The following FHIT variants were observed in gnomAD, a reference collection of about 807,000 sequenced individuals.
The protein encoded by FHIT is bis(5'-adenosyl)-triphosphatase.
In FHIT, 19 loss-of-function variants were observed where a neutral mutation model predicts 17.9. The ratio of observed to expected loss-of-function variants is 1.06; its 90% confidence interval spans 0.74 to 1.56. FHIT has a LOEUF of 1.56. Among genes scored for constraint, FHIT ranks in the 40% most tolerant of loss-of-function variants. FHIT has a pLI of 0.00. For missense variants in FHIT, 248 were observed against 189.2 expected (o/e 1.31, Z -1.82); for synonymous variants, 81 against 69.7 (o/e 1.16, Z -0.81).
At chr3:59,883,412 G>T (rs919711502) in intron 8 of FHIT, among the ~76,000 whole-genome samples, 1 of 152,198 alleles carries the variant, frequency 6.6e-6, no homozygotes, top group Non-Finnish European at 1.5e-5. Context: ...AAGGTGAAAG[G>T]CATGTTTTAT....
chr3:60,345,222 C>T (rs575873660), intron 5 of FHIT, among the ~76,000 whole-genome samples: 17 of 152,266 alleles, frequency 1.1e-4, no homozygotes, highest in African/African-American at 4.1e-4. Flanking sequence ...GACAAGTATT[C>T]CCCTGGATCT....
At chr3:59,851,122 G>T (rs571059485) in intron 8 of FHIT, among the ~76,000 whole-genome samples, 1 of 152,116 alleles carries the variant, frequency 6.6e-6, no homozygotes. Context: ...CTTCTAACAA[G>T]GTCAATCTGG....
At chr3:59,956,715 A>C (rs1221741908) in intron 7 of FHIT, among the ~76,000 whole-genome samples, 2 of 152,188 alleles carry the variant, frequency 1.3e-5, no homozygotes, top group East Asian at 3.9e-4. Context: ...ACCTTACTTT[A>C]ATCATCTGTA....
At chr3:60,000,492 A>G (rs926089695) in intron 7 of FHIT, among the ~76,000 whole-genome samples, 3 of 152,186 alleles carry the variant, frequency 2.0e-5, no homozygotes, top group African/African-American at 4.8e-5. Context: ...GGCCTTTTAC[A>G]AAAGAAGTCT....
At chr3:60,904,235 G>A (rs976108771) in intron 3 of FHIT, among the ~76,000 whole-genome samples, 1 of 152,138 alleles carries the variant, frequency 6.6e-6, no homozygotes, top group African/African-American at 2.4e-5. Flanking sequence ...TCCTGCCTAG[G>A]AGAGATAGGG....
intron 4 of FHIT, among the ~76,000 whole-genome samples, chr3:60,619,161 T>C (rs1367564859): frequency 6.6e-6 from 1 of 152,082 alleles, no homozygotes; most frequent in African/African-American, 2.4e-5. Flanking sequence ...TTTAGTATCA[T>C]GTATTTTTTC....
chr3:60,898,307 T>C (rs1705935392), intron 3 of FHIT, among the ~76,000 whole-genome samples: 1 of 152,198 alleles, frequency 6.6e-6, no homozygotes, highest in Non-Finnish European at 1.5e-5. Context: ...CGTAAACAAC[T>C]CTGAGAAAAT....
chr3:61,150,224 A>G (rs1177177588), intron 2 of FHIT, among the ~76,000 whole-genome samples: 3 of 152,198 alleles, frequency 2.0e-5, no homozygotes. Flanking sequence ...GAAGGAAGAT[A>G]CAGAGCCCAC....
chr3:60,546,863 T>C (rs1034406400), intron 4 of FHIT, among the ~76,000 whole-genome samples: 3 of 151,904 alleles, frequency 2.0e-5, no homozygotes, highest in African/African-American at 7.3e-5. Context: ...CCTTAAATAC[T>C]AATAGTTTTC....
intron 3 of FHIT, among the ~76,000 whole-genome samples, chr3:60,865,620 G>A (rs1704123265): frequency 6.6e-6 from 1 of 152,096 alleles, no homozygotes; most frequent in Admixed American, 6.6e-5. Context: ...TATGGAGACA[G>A]GAGCCAGTTT....
chr3:59,818,297 C>T (rs1352313988), intron 8 of FHIT, among the ~76,000 whole-genome samples: 1 of 152,064 alleles, frequency 6.6e-6, no homozygotes, highest in Non-Finnish European at 1.5e-5. Context: ...ACAGCTTGTT[C>T]AGCCTCCCCG....
At chr3:61,117,520 G>C (rs1376671385) in intron 2 of FHIT, among the ~76,000 whole-genome samples, 1 of 152,202 alleles carries the variant, frequency 6.6e-6, no homozygotes, top group Non-Finnish European at 1.5e-5. Context: ...AGATGCCAAA[G>C]AGAGGCTATA....
chr3:60,779,159 A>G (rs1219959596), intron 4 of FHIT, among the ~76,000 whole-genome samples: 2 of 152,248 alleles, frequency 1.3e-5, no homozygotes, highest in Non-Finnish European at 2.9e-5. Context: ...GTGTAAGACT[A>G]AAGTCTATTT....
chr3:60,390,676 C>G (rs148052760), intron 5 of FHIT, among the ~76,000 whole-genome samples: 1 of 151,506 alleles, frequency 6.6e-6, no homozygotes, highest in Non-Finnish European at 1.5e-5. Flanking sequence ...ACCTGGCGCA[C>G]GCCTAGGCTA....
chr3:59,751,734 A>AT (rs1700915502), intron 9 of FHIT: 2 of 232,890 alleles, frequency 8.6e-6, no homozygotes, highest in Middle Eastern at 1.3e-3. Flanking sequence ...AATTTACCAA[A>AT]TAGCAACTGA....
chr3:60,481,582 A>T (rs181316108), intron 5 of FHIT, among the ~76,000 whole-genome samples: 6 of 152,316 alleles, frequency 3.9e-5, no homozygotes, highest in African/African-American at 9.6e-5. Context: ...ACTAAACTTC[A>T]TAAGCATAAG....
At chr3:60,526,137 TACACACAC>T (rs59137290) in intron 5 of FHIT, among the ~76,000 whole-genome samples, 25 of 148,160 alleles carry the variant, frequency 1.7e-4, no homozygotes, top group South Asian at 4.4e-4. Context: ...ACACAACACA[TACACACAC>T]ACACACACAC....
chr3:60,299,708 G>C (rs1708368303), intron 5 of FHIT, among the ~76,000 whole-genome samples: 1 of 152,028 alleles, frequency 6.6e-6, no homozygotes, highest in African/African-American at 2.4e-5. Context: ...CCACCCACTG[G>C]ATATGAGAAT....
At chr3:60,404,282 A>C (rs569061549) in intron 5 of FHIT, among the ~76,000 whole-genome samples, 3 of 152,248 alleles carry the variant, frequency 2.0e-5, no homozygotes, top group African/African-American at 7.2e-5. Flanking sequence ...GAAGGTTCAA[A>C]ATGTCAGATT....
Sources: gnomAD v4.1 joint callset for allele counts (sites outside exome capture counted in the v4.1 genomes callset) on GRCh38, gnomAD v4.1.1 for gene constraint, MANE v1.5 for transcripts, NCBI Gene and HGNC (gene_info 2026-07-23, HGNC 2026-07-21) for gene names.